Variants in TCF7L2 observed in about 807,000 individuals in gnomAD.
TCF7L2 encodes transcription factor 7 like 2.
A neutral mutation model predicts 77.9 loss-of-function variants in TCF7L2; 23 were observed. That is an observed-to-expected ratio of 0.30 (90% confidence interval 0.21 to 0.42). The LOEUF (loss-of-function observed/expected upper bound fraction) is 0.42. TCF7L2 is among the 10% of genes least tolerant of loss of function. The pLI is 1.00. For missense variants in TCF7L2, 654 were observed against 793.1 expected (o/e 0.82, Z 2.11); for synonymous variants, 413 against 340.2 (o/e 1.21, Z -2.36).
chr10:113,117,414 T>TTCCCCC (rs2063926204), intron 5 of TCF7L2, among the ~76,000 whole-genome samples: 1 of 41,368 alleles, frequency 2.4e-5, no homozygotes, highest in Non-Finnish European at 5.2e-5. Flanking sequence ...TCTCTCTCTC[T>TTCCCCC]CTCTCTCTCT....
At chr10:113,118,520 G>GGGGTGT (rs1555084613) in intron 5 of TCF7L2, among the ~76,000 whole-genome samples, 1 of 141,442 alleles carries the variant, frequency 7.1e-6, no homozygotes, top group Non-Finnish European at 1.5e-5. Flanking sequence ...TCATCTGGGG[G>GGGGTGT]GTGTGTGTGT....
intron 3 of TCF7L2, among the ~76,000 whole-genome samples, chr10:112,962,578 C>T (rs1403546125): frequency 1.3e-5 from 2 of 152,216 alleles, no homozygotes; most frequent in East Asian, 3.9e-4. Flanking sequence ...TGTTTTTCAG[C>T]AGGTCACTTT....
chr10:113,019,090 T>C (rs2047850333), intron 4 of TCF7L2, among the ~76,000 whole-genome samples: 1 of 152,184 alleles, frequency 6.6e-6, no homozygotes, highest in African/African-American at 2.4e-5. Context: ...GTGGAAGCAG[T>C]GAATGGTAGA....
At chr10:112,962,779 G>A (rs1299798633) in intron 3 of TCF7L2, among the ~76,000 whole-genome samples, 3 of 151,904 alleles carry the variant, frequency 2.0e-5, no homozygotes, top group Non-Finnish European at 1.5e-5. Context: ...TTGTATTCTT[G>A]GTAGAGACGG....
At chr10:113,036,354 G>C (rs140492991) in intron 4 of TCF7L2, among the ~76,000 whole-genome samples, 242 of 152,144 alleles carry the variant, frequency 1.6e-3, no homozygotes, top group African/African-American at 5.5e-3. Context: ...TTTCTGCTAA[G>C]ACTATTTCCT....
intron 5 of TCF7L2, among the ~76,000 whole-genome samples, chr10:113,124,316 T>A (rs564503272): frequency 6.6e-6 from 1 of 152,356 alleles, no homozygotes; most frequent in South Asian, 2.1e-4. Context: ...ATCTAAGGGT[T>A]GATAATGGTA....
chr10:113,020,791 G>A (rs942437897), intron 4 of TCF7L2, among the ~76,000 whole-genome samples: 1 of 152,076 alleles, frequency 6.6e-6, no homozygotes, highest in African/African-American at 2.4e-5. Flanking sequence ...AGAGGGGAGG[G>A]AACCAGTGTT....
At chr10:113,099,059 T>C (rs1390793602) in intron 5 of TCF7L2, among the ~76,000 whole-genome samples, 1 of 152,228 alleles carries the variant, frequency 6.6e-6, no homozygotes, top group Non-Finnish European at 1.5e-5. Context: ...TGTCAGCTTG[T>C]TAGTTATTGG....
chr10:113,082,304 A>G (rs1002795879), intron 5 of TCF7L2, among the ~76,000 whole-genome samples: 1 of 150,140 alleles, frequency 6.7e-6, no homozygotes. Flanking sequence ...TTACCCATAT[A>G]ATGTCTTTTT....
chr10:113,085,316 A>G (rs1346557022), intron 5 of TCF7L2, among the ~76,000 whole-genome samples: 1 of 151,374 alleles, frequency 6.6e-6, no homozygotes. Context: ...GCAGTCCTCC[A>G]GCCTTGGCCT....
At chr10:113,072,787 G>C (rs1360087293) in intron 5 of TCF7L2, among the ~76,000 whole-genome samples, 1 of 152,178 alleles carries the variant, frequency 6.6e-6, no homozygotes, top group Non-Finnish European at 1.5e-5. Flanking sequence ...TTGTGTATTG[G>C]TTCTTGCCTC....
chr10:112,974,962 T>C (rs1201615175), intron 4 of TCF7L2, among the ~76,000 whole-genome samples: 3 of 141,236 alleles, frequency 2.1e-5, no homozygotes, highest in African/African-American at 2.8e-5. Flanking sequence ...AGATAAGTGG[T>C]TGCTTCTTTT....
chr10:112,977,033 T>C (rs909801380), intron 4 of TCF7L2, among the ~76,000 whole-genome samples: 1 of 151,944 alleles, frequency 6.6e-6, no homozygotes, highest in Non-Finnish European at 1.5e-5. Flanking sequence ...AATATTTTCA[T>C]ACACTTTGAC....
At chr10:113,059,655 C>T (rs2056090996) in intron 5 of TCF7L2, among the ~76,000 whole-genome samples, 1 of 152,062 alleles carries the variant, frequency 6.6e-6, no homozygotes, top group Non-Finnish European at 1.5e-5. Context: ...ATGTCAGTCC[C>T]TGGGAGTCTT....
At chr10:113,001,852 T>A (rs1375383447) in intron 4 of TCF7L2, among the ~76,000 whole-genome samples, 2 of 152,184 alleles carry the variant, frequency 1.3e-5, no homozygotes, top group African/African-American at 2.4e-5. Context: ...CCAAAGTAAT[T>A]TCCTAAAGAA....
At chr10:113,081,876 C>T (rs998825860) in intron 5 of TCF7L2, among the ~76,000 whole-genome samples, 2 of 152,140 alleles carry the variant, frequency 1.3e-5, no homozygotes, top group Admixed American at 6.5e-5. Context: ...GCCCAGGCTG[C>T]GCCCAGGCTG....
chr10:113,073,099 C>CGTGTGTGTGTGTGTGTGTGTGTGT (rs71489997), intron 5 of TCF7L2, among the ~76,000 whole-genome samples: 2 of 103,962 alleles, frequency 1.9e-5, no homozygotes, highest in African/African-American at 8.7e-5. Context: ...AGGGCCAGGT[C>CGTGTGTGTGTGTGTGTGTGTGTGT]GTGTGTGTGT....
intron 4 of TCF7L2, among the ~76,000 whole-genome samples, chr10:112,983,513 T>C (rs192068372): frequency 6.6e-5 from 10 of 152,256 alleles, no homozygotes; most frequent in African/African-American, 2.2e-4. Flanking sequence ...TAAAAAGTCA[T>C]CCTTTTCAGT....
chr10:112,972,623 A>C (rs1024564454), intron 4 of TCF7L2, among the ~76,000 whole-genome samples: 1 of 152,088 alleles, frequency 6.6e-6, no homozygotes, highest in African/African-American at 2.4e-5. Flanking sequence ...GGTATGCATC[A>C]CCACACCTGG....
Sources: gnomAD v4.1 joint callset for allele counts (sites outside exome capture counted in the v4.1 genomes callset) on GRCh38, gnomAD v4.1.1 for gene constraint, MANE v1.5 for transcripts, NCBI Gene and HGNC (gene_info 2026-07-23, HGNC 2026-07-21) for gene names.